IL1RAPL2: variants seen among roughly 807,000 people sequenced by gnomAD.
IL1RAPL2 encodes X-linked interleukin-1 receptor accessory protein-like 2.
In IL1RAPL2, 3 loss-of-function variants were observed where a neutral mutation model predicts 44.1. The ratio of observed to expected loss-of-function variants is 0.07; its 90% CI spans 0.03 to 0.18. The LOEUF (loss-of-function observed/expected upper bound fraction) is 0.18, where lower values mean the gene tolerates loss of function less well. Ranked by LOEUF, IL1RAPL2 falls within the 10% of genes least tolerant of loss-of-function variation. The probability of loss-of-function intolerance (pLI) is 1.00; values close to 1 mark genes in which losing one functional copy is unlikely to be tolerated. For synonymous variants in IL1RAPL2, 181 were observed against 178.8 expected (o/e 1.01, Z -0.10); for missense variants, 391 against 496.4 (o/e 0.79, Z 2.02).
At chrX:105,764,898 AGT>A (rs1291267879) in intron 10 of IL1RAPL2, among the ~76,000 whole-genome samples, 2 of 112,317 alleles carry the variant, frequency 1.8e-5, no homozygotes, top group Non-Finnish European at 3.8e-5. Context: ...TATGTGACAG[AGT>A]GTTACTGACA....
chrX:105,484,046 A>C (rs1157008465), intron 5 of IL1RAPL2, among the ~76,000 whole-genome samples: 1 of 111,454 alleles, frequency 9.0e-6, no homozygotes, highest in Non-Finnish European at 1.9e-5. Context: ...TATAAAAACC[A>C]CCCAAAATAG....
chrX:105,305,347 C>T, intron 5 of IL1RAPL2, among the ~76,000 whole-genome samples: 1 of 109,913 alleles, frequency 9.1e-6, no homozygotes, highest in Admixed American at 9.6e-5. Flanking sequence ...TCTTCACACA[C>T]ATACACACAC....
intron 1 of IL1RAPL2, among the ~76,000 whole-genome samples, chrX:104,589,225 T>A (rs1307507910): frequency 8.9e-6 from 1 of 111,871 alleles, no homozygotes; most frequent in Non-Finnish European, 1.9e-5. Context: ...ACTCACATGA[T>A]CACAAGGTCC....
At chrX:105,139,497 T>C (rs1213983646) in intron 2 of IL1RAPL2, among the ~76,000 whole-genome samples, 3 of 111,640 alleles carry the variant, frequency 2.7e-5, no homozygotes, top group African/African-American at 9.8e-5. Flanking sequence ...TACCAGAGAC[T>C]GAGTGGCTTC....
chrX:105,627,588 C>T (rs960872343), intron 6 of IL1RAPL2, among the ~76,000 whole-genome samples: 2 of 112,002 alleles, frequency 1.8e-5, no homozygotes, highest in African/African-American at 3.2e-5. Flanking sequence ...ACCTCATCTA[C>T]TTCATCCTGA....
intron 1 of IL1RAPL2, among the ~76,000 whole-genome samples, chrX:104,615,285 C>T (rs1393486423): frequency 9.0e-6 from 1 of 111,204 alleles, no homozygotes; most frequent in East Asian, 2.8e-4. Flanking sequence ...CATAGGTAAA[C>T]ATGTGCCATG....
chrX:105,178,615 G>A (rs987508511), intron 2 of IL1RAPL2, among the ~76,000 whole-genome samples: 3 of 111,519 alleles, frequency 2.7e-5, no homozygotes, highest in African/African-American at 9.8e-5. Flanking sequence ...CCTACCAACG[G>A]TGTATAAGAG....
At chrX:105,084,646 GTGT>G (rs1344886542) in intron 2 of IL1RAPL2, among the ~76,000 whole-genome samples, 4 of 112,480 alleles carry the variant, frequency 3.6e-5, no homozygotes, top group African/African-American at 1.3e-4. Flanking sequence ...GAGGGGACTA[GTGT>G]TGTCTCAGAT....
At chrX:104,908,528 G>C (rs1191702905) in intron 2 of IL1RAPL2, among the ~76,000 whole-genome samples, 1 of 110,860 alleles carries the variant, frequency 9.0e-6, no homozygotes, top group African/African-American at 3.3e-5. Context: ...GCATTTGCTC[G>C]TCTGTAAAGT....
chrX:104,823,415 C>A (rs1450170255), intron 2 of IL1RAPL2, among the ~76,000 whole-genome samples: 10 of 110,724 alleles, frequency 9.0e-5, no homozygotes, highest in African/African-American at 1.3e-4. Context: ...CATGTCCATA[C>A]AAAGGACATG....
intron 2 of IL1RAPL2, among the ~76,000 whole-genome samples, chrX:104,733,644 A>AATAAT (rs1851195752): frequency 1.9e-5 from 2 of 107,309 alleles, no homozygotes; most frequent in Non-Finnish European, 3.8e-5. Flanking sequence ...TAATAATAAT[A>AATAAT]ATAGTAATAA....
intron 2 of IL1RAPL2, among the ~76,000 whole-genome samples, chrX:104,758,248 G>C (rs768756814): frequency 1.9e-4 from 21 of 111,796 alleles, no homozygotes; most frequent in African/African-American, 6.2e-4. Flanking sequence ...AGGGAACAGG[G>C]TATCTGCTAG....
chrX:105,012,674 C>CACACACACACACACACAGAG (rs1258556672), intron 2 of IL1RAPL2, among the ~76,000 whole-genome samples: 2 of 81,270 alleles, frequency 2.5e-5, no homozygotes, highest in African/African-American at 5.9e-5. Context: ...CACACACACA[C>CACACACACACACACACAGAG]AGAGAGAGAG....
intron 5 of IL1RAPL2, among the ~76,000 whole-genome samples, chrX:105,300,983 T>C (rs2034693168): frequency 1.8e-5 from 2 of 111,724 alleles, no homozygotes; most frequent in African/African-American, 6.5e-5. Flanking sequence ...GTAATATAAG[T>C]TTGGAGACAT....
intron 1 of IL1RAPL2, among the ~76,000 whole-genome samples, chrX:104,629,898 A>G (rs1929599703): frequency 8.9e-6 from 1 of 112,088 alleles, no homozygotes; most frequent in South Asian, 3.7e-4. Flanking sequence ...GTCTGTTTTT[A>G]TACCAATAAC....
intron 6 of IL1RAPL2, among the ~76,000 whole-genome samples, chrX:105,690,246 A>C (rs1019814978): frequency 9.0e-6 from 1 of 111,729 alleles, no homozygotes; most frequent in Non-Finnish European, 1.9e-5. Context: ...AAAAATAAAA[A>C]AATTTAAAAA....
chrX:104,738,386 A>G (rs949609556), intron 2 of IL1RAPL2, among the ~76,000 whole-genome samples: 1 of 112,190 alleles, frequency 8.9e-6, no homozygotes, highest in Non-Finnish European at 1.9e-5. Context: ...CTGTAAAATC[A>G]TTTTCACCAT....
chrX:105,399,166 C>T (rs1569435085), intron 5 of IL1RAPL2, among the ~76,000 whole-genome samples: 1 of 111,564 alleles, frequency 9.0e-6, no homozygotes, highest in Non-Finnish European at 1.9e-5. Flanking sequence ...TGGTGCATAT[C>T]ATCCTCATAA....
At chrX:105,394,838 A>G (rs1236467981) in intron 5 of IL1RAPL2, among the ~76,000 whole-genome samples, 6 of 110,628 alleles carry the variant, frequency 5.4e-5, no homozygotes, top group African/African-American at 2.0e-4. Context: ...CTGACATGTG[A>G]TGTTTTTTCT....
Sources: gnomAD v4.1 joint callset for allele counts (sites outside exome capture counted in the v4.1 genomes callset) on GRCh38, gnomAD v4.1.1 for gene constraint, MANE v1.5 for transcripts, NCBI Gene and HGNC (gene_info 2026-07-23, HGNC 2026-07-21) for gene names.